PSMD5: variants seen among roughly 807,000 people sequenced by gnomAD.
PSMD5 encodes the protein proteasome 26S subunit, non-ATPase 5, also known as 26S proteasome non-ATPase regulatory subunit 5.
A neutral mutation model predicts 52.1 loss-of-function variants in PSMD5; 40 were observed. The observed-to-expected ratio is 0.77, with a 90% CI of 0.60 to 1.00. The LOEUF (loss-of-function observed/expected upper bound fraction) is 1.00. Among genes scored for constraint, PSMD5 ranks in the 50% least tolerant of loss-of-function variants. The pLI is 0.00. For missense variants in PSMD5, 575 were observed against 605.2 expected (o/e 0.95, Z 0.52); for synonymous variants, 211 against 226.6 (o/e 0.93, Z 0.62).
rs1239264954 is a variant in PSMD5, at chr9:120,820,956, A to G, written c.1140T>C (p.Leu380=). 6.3e-7 allele frequency: 1 copy of G among 1,597,814 alleles called. No individual in the cohort carries two copies. The highest frequency in any genetic ancestry group is 8.5e-7 in the Non-Finnish European group (1 of 1,175,872). ...YLPPEQQTDD[L]LRMTESWFSS... ...AAAACCAGGATTCTGTCATCCTCAG[A>G]AGGTCATCAGTCTGCTGCTCAGGCT... Residue 380 remains leucine (L), a synonymous_variant, in exon 9 of 10, where the codon CTT becomes CTC. Transcript: ENST00000210313.
chr9:120,828,087 C>T (rs2045135075), intron 5 of PSMD5, among the ~76,000 whole-genome samples: 2 of 152,090 alleles, frequency 1.3e-5, no homozygotes, highest in Non-Finnish European at 2.9e-5. Flanking sequence ...ATCTTCACCT[C>T]CCGGGTTTAA....
At chr9:120,837,314 C>G (rs1177139237) in intron 1 of PSMD5, among the ~76,000 whole-genome samples, 3 of 152,196 alleles carry the variant, frequency 2.0e-5, no homozygotes. Flanking sequence ...TAGCCACCAC[C>G]TAGCCTGAAG....
chr9:120,842,125 G>A (rs183054872), intron 1 of PSMD5: 8 of 153,936 alleles, frequency 5.2e-5, no homozygotes, highest in Non-Finnish European at 7.2e-5. Flanking sequence ...AACGCTTTTG[G>A]ACTGATCGCC....
chr9:120,829,504 G>A (rs1003777066), intron 4 of PSMD5, among the ~76,000 whole-genome samples: 2 of 151,960 alleles, frequency 1.3e-5, no homozygotes, highest in Admixed American at 6.6e-5. Context: ...AGCGATTCTC[G>A]TGCCTCAGCC....
At chr9:120,841,714 C>A (rs2045239517) in intron 1 of PSMD5, 1 of 152,118 alleles carries the variant, frequency 6.6e-6, no homozygotes, top group African/African-American at 2.4e-5. Context: ...ATTTGGAATC[C>A]TCTGTTAACG....
At chr9:120,839,204 C>G (rs573364416) in intron 1 of PSMD5, among the ~76,000 whole-genome samples, 4 of 152,024 alleles carry the variant, frequency 2.6e-5, no homozygotes, top group South Asian at 2.1e-4. Context: ...CACATGGTAG[C>G]TGGAGCAGAT....
In PSMD5 at chr9:120,842,886, C is replaced by T. The variant is rs1434047846; in HGVS notation, c.24G>A (p.Leu8=). 1.9e-6 allele frequency: 3 copies of T among 1,596,542 alleles called. No individual in the cohort carries two copies. The highest frequency in any genetic ancestry group is 2.7e-5 in the African/African-American group (2 of 74,722). Residue 8 remains leucine, a synonymous_variant, in exon 1 of 10, where the codon CTG becomes CTA. Transcript: ENST00000210313. MAAQALA[L]LREVARLEAP... ...CTTCCAGCCTCGCTACCTCTCTCAG[C>T]AGCGCCAAAGCCTGGGCTGCCATCT...
intron 9 of PSMD5, among the ~76,000 whole-genome samples, chr9:120,818,442 CATT>C (rs1473006692): frequency 6.6e-6 from 1 of 151,810 alleles, no homozygotes. Flanking sequence ...TAAAAATAAA[CATT>C]AACAATAATG....
chr9:120,830,360 A>C (rs904588163), intron 4 of PSMD5, among the ~76,000 whole-genome samples: 9 of 152,188 alleles, frequency 5.9e-5, no homozygotes, highest in Admixed American at 4.6e-4. Context: ...TGAAGGTTCG[A>C]GCTCAGAAGA....
In PSMD5 at chr9:120,816,417, GA is replaced by G. The variant is rs1440285329; in HGVS notation, c.*1488del. ...GAAAAAAAATCAACATCATGAATGA[GA>G]TTAAAACAAAGGTCATTTTAAGAGA... On this transcript the variant is annotated 3_prime_UTR_variant, in exon 10 of 10. Transcript: ENST00000210313. The G allele has an allele frequency of 2.6e-5, 4 of 152,092 alleles. No homozygotes were observed. Among genetic ancestry groups the G allele is most frequent in the African/African-American group, 4.8e-5 (2 of 41,398 alleles). The allele number at this position is 152,092 out of a possible 1,614,324, so 9.4% of individuals were successfully genotyped here. A position where few individuals can be genotyped will look rare whatever the true frequency, so the allele number is the denominator to read the frequency against.
At chr9:120,826,606 G>T in intron 6 of PSMD5, 159 bp downstream of exon 6, 3 of 858,430 alleles carry the variant, frequency 3.5e-6, no homozygotes, top group Non-Finnish European at 5.1e-6. Context: ...ATTTGAACTT[G>T]GTTGCTCTAG....
intron 4 of PSMD5, among the ~76,000 whole-genome samples, chr9:120,830,886 A>AAT (rs113275671): frequency 0.67 from 100,171 of 149,134 alleles, 34,330 homozygotes; most frequent in South Asian, 0.8. Context: ...TTGCACTGTA[A>AAT]ATATATATAT....
chr9:120,831,991 T>C, intron 2 of PSMD5, 46 bp from the exon 3 acceptor site: 4 of 1,593,928 alleles, frequency 2.5e-6, no homozygotes, highest in Non-Finnish European at 3.4e-6. Flanking sequence ...TAGGGCAACA[T>C]ACGGTAAACA....
intron 5 of PSMD5, among the ~76,000 whole-genome samples, chr9:120,828,628 A>G (rs1365997873): frequency 6.6e-6 from 1 of 151,272 alleles, no homozygotes; most frequent in Non-Finnish European, 1.5e-5. Context: ...GGGTTTCACT[A>G]TGTTGGCCAG....
intron 6 of PSMD5, among the ~76,000 whole-genome samples, chr9:120,826,058 G>T (rs138819334): frequency 6.7e-6 from 1 of 148,984 alleles, no homozygotes; most frequent in South Asian, 2.1e-4. Flanking sequence ...GCAGTGGCGC[G>T]ATCCTGGCTC....
In PSMD5 at chr9:120,842,512, G is replaced by A. The variant is rs1043233491; in HGVS notation, c.173+225C>T. Reference sequence around the variant, plus strand: ...GAAGGCAGTGCCTCACTGCTCAGAGGCAGCGAGGCCAGGCGACGGGAGAAA... The same window carrying A: ...GAAGGCAGTGCCTCACTGCTCAGAGACAGCGAGGCCAGGCGACGGGAGAAA... On this transcript the variant is annotated intron_variant, in intron 1 of 9. Coordinates refer to ENST00000210313, the MANE Select transcript of PSMD5 (RefSeq NM_005047.4). The A allele has an allele frequency of 5.1e-6, 3 of 586,454 alleles. No homozygotes were observed. The African/African-American group carries it at 5.7e-5, about 11-fold the overall frequency. The allele number at this position is 586,454 out of a possible 1,614,324, so 36.3% of individuals were successfully genotyped here.
At chr9:120,835,249 C>T (rs2045189981) in intron 1 of PSMD5, among the ~76,000 whole-genome samples, 1 of 152,150 alleles carries the variant, frequency 6.6e-6, no homozygotes, top group Non-Finnish European at 1.5e-5. Context: ...AAAGGATAAA[C>T]ATGTGTTATG....
At chr9:120,828,985 T>G in intron 5 of PSMD5, 114 bp downstream of exon 5, 1 of 1,324,378 alleles carries the variant, frequency 7.6e-7, no homozygotes, top group Admixed American at 3.4e-5. Context: ...CACACATCAG[T>G]CATGAGATTG....
rs1402431952 is a variant in PSMD5 at position 120,826,780 on chromosome 9, T to C, written c.799A>G (p.Ser267Gly). The C allele has an allele frequency of 1.2e-6, 2 of 1,613,642 alleles. No homozygotes were observed. Among genetic ancestry groups the C allele is most frequent in the Admixed American group, 1.7e-5 (1 of 59,956 alleles). The stretch of plus-strand genomic sequence containing the variant: ...TGTTCCTTACCTGGCAGATAGAAGC[T>C]AGAGAAAGGGTCTGAATCTGCCCCA... ...IVGADSDPFS[S>G]FYLPGFVKFF... Residue 267 changes from serine to glycine, a missense_variant, in exon 6 of 10, where the codon AGC becomes GGC. Coordinates refer to ENST00000210313, the MANE Select transcript of PSMD5 (RefSeq NM_005047.4).
Sources: allele counts gnomAD v4.1 joint callset (sites outside exome capture counted in the v4.1 genomes callset), GRCh38; gene constraint gnomAD v4.1.1; transcripts MANE v1.5; gene names NCBI Gene and HGNC (gene_info 2026-07-23, HGNC 2026-07-21).